NID1: variants seen among roughly 807,000 people sequenced by gnomAD.
NID1 encodes nidogen-1.
NID1 carries 76 observed loss-of-function variants against 130.6 expected under a neutral mutation model. The ratio of observed to expected loss-of-function variants is 0.58; its 90% CI spans 0.48 to 0.70. The LOEUF is 0.70. Ranked by LOEUF, NID1 falls within the 30% of genes least tolerant of loss-of-function variation. NID1 has a pLI of 0.00. For missense variants in NID1, 1,517 were observed against 1,664.8 expected, an observed-to-expected ratio of 0.91 and a Z score of 1.54; for synonymous variants, 665 against 675.1, an observed-to-expected ratio of 0.98 and a Z score of 0.23.
At chr1:236,003,667 C>T (rs770190712) in intron 12 of NID1, among the ~76,000 whole-genome samples, 6 of 152,046 alleles carry the variant, frequency 3.9e-5, no homozygotes, top group South Asian at 2.1e-4. Flanking sequence ...GCCAGGATTT[C>T]GAGACAAGCC....
At position 235,990,940 on chromosome 1, in the gene NID1, G is replaced by C. The variant is rs372553525; in HGVS notation, c.2874C>G (p.Pro958=). The change falls in exon 14 of 20, where the codon CCC becomes CCG. Residue 958 remains proline (P), a synonymous_variant. Coordinates refer to ENST00000264187, the MANE Select transcript of NID1 (RefSeq NM_002508.3). ...FAQTGKIERL[P]LEGNTMRKTE... The stretch of plus-strand genomic sequence containing the variant: ...TCTTCCTCATGGTATTTCCCTCCAG[G>C]GGCAGGCGCTCAATCTTCCCAGTCT... 4 of 1,614,152 alleles carry C rather than the reference G, an allele frequency of 2.5e-6. No individual in the cohort carries two copies. The highest frequency in any genetic ancestry group is 3.4e-6 in the Non-Finnish European group (4 of 1,180,034).
intron 9 of NID1, among the ~76,000 whole-genome samples, chr1:236,018,998 T>C (rs917828602): frequency 1.3e-4 from 20 of 152,254 alleles, no homozygotes; most frequent in Admixed American, 1.2e-3. Flanking sequence ...ATCAGCCTCA[T>C]AGTTTGTCCT....
intron 12 of NID1, among the ~76,000 whole-genome samples, chr1:236,002,458 G>A (rs902155025): frequency 6.6e-6 from 1 of 152,118 alleles, no homozygotes; most frequent in Non-Finnish European, 1.5e-5. Flanking sequence ...AGCCGAGATG[G>A]CACCACTGCA....
chr1:235,977,880 A>T lies in NID1; in HGVS notation c.3731T>A (p.Ile1244Asn). 1 of 1,614,166 alleles carries T rather than the reference A, an allele frequency of 6.2e-7. No individual in the cohort carries two copies. The highest frequency in any genetic ancestry group is 8.5e-7 in the Non-Finnish European group (1 of 1,180,012). ...CPDNTLGVDC[I>N]EQK ...GCACTCTTGTCTTCATTTCTGTTCG[A>T]TACAGTCAACTCCCAAGGTGTTGTC... Residue 1244 changes from isoleucine to asparagine, a missense_variant, in exon 20 of 20, where the codon ATC becomes AAC. Physicochemically the swap from Ile to Asn is moderately radical, Grantham distance 149 (BLOSUM62 -3). Around this residue, in one of 3 missense-constraint regions of NID1, gnomAD observed 181 missense variants for 211.3 expected, o/e 0.86. Coordinates refer to ENST00000264187, the MANE Select transcript of NID1 (RefSeq NM_002508.3).
chr1:236,039,169 A>T (rs1659371213), intron 4 of NID1, among the ~76,000 whole-genome samples: 2 of 145,450 alleles, frequency 1.4e-5, no homozygotes, highest in South Asian at 4.2e-4. Flanking sequence ...TAACAGATAA[A>T]ATATATTTAT....
At position 235,977,237 on chromosome 1, in the gene NID1, A is replaced by G. The variant is rs1657283461; in HGVS notation, c.*630T>C. The G allele has an allele frequency of 6.6e-6, 1 of 152,266 alleles. No individual in the cohort carries two copies. The highest frequency in any genetic ancestry group is 2.4e-5 in the African/African-American group (1 of 41,436). The allele number at this position is 152,266 out of a possible 1,614,324, so 9.4% of individuals were successfully genotyped here. ...GCTCATTATCATCCACCAAATGCCC[A>G]TAGATCTCTAGGACAGGGTAGGTTT... On this transcript the variant is annotated 3_prime_UTR_variant, in exon 20 of 20. Transcript: ENST00000264187.
intron 1 of NID1, among the ~76,000 whole-genome samples, chr1:236,058,662 T>G (rs1229625819): frequency 6.6e-6 from 1 of 152,234 alleles, no homozygotes; most frequent in African/African-American, 2.4e-5. Flanking sequence ...AAAATTTATG[T>G]TAGATTTCTT....
At chr1:236,040,345 T>C (rs1245080811) in intron 4 of NID1, among the ~76,000 whole-genome samples, 1 of 152,272 alleles carries the variant, frequency 6.6e-6, no homozygotes, top group Admixed American at 6.5e-5. Flanking sequence ...TCCATTTCCG[T>C]GCCTCAGAAG....
rs568556688 is a variant in NID1, at chr1:236,026,072, C to A, written c.1808G>T (p.Arg603Leu). ...EPERDGASPSRIYTYQWRQTI... is the reference protein window; with the variant it reads ...EPERDGASPSLIYTYQWRQTI... ...CTGGCGCCACTGGTAAGTGTAGATG[C>A]GTGAAGGAGATGCCCCATCTCGCTC... Residue 603 changes from arginine (R) to leucine (L), a missense_variant, in exon 8 of 20, where the codon CGC (arginine) becomes CTC (leucine). Physicochemically the swap from Arg to Leu is moderately radical, Grantham distance 102. Coordinates refer to ENST00000264187, the MANE Select transcript of NID1 (RefSeq NM_002508.3). 4 of 1,612,972 alleles carry A rather than the reference C, an allele frequency of 2.5e-6. No individual in the cohort carries two copies. In the African/African-American group the frequency reaches 4.0e-5, roughly 16 times the overall value.
In NID1 at chr1:235,985,572, G is replaced by A. The variant is rs569977172; in HGVS notation, c.2929-67C>T. The A allele has an allele frequency of 9.0e-5, 140 of 1,556,626 alleles. No homozygotes were observed. The South Asian group carries it at 9.9e-4, about 11-fold the overall frequency. On this transcript the variant is annotated intron_variant, in intron 14 of 19. Coordinates refer to ENST00000264187, the MANE Select transcript of NID1 (RefSeq NM_002508.3). ...CATCTGATAGTGAGAATCTTTTTGC[G>A]TGCCTACAGGCATTTGGATATCTTT...
intron 9 of NID1, among the ~76,000 whole-genome samples, chr1:236,021,892 T>G (rs1481604786): frequency 1.3e-5 from 2 of 152,160 alleles, no homozygotes. Flanking sequence ...TGAACTTAAG[T>G]TATAAATAAT....
intron 5 of NID1, among the ~76,000 whole-genome samples, chr1:236,032,904 C>T (rs1170405949): frequency 6.6e-6 from 1 of 152,184 alleles, no homozygotes; most frequent in East Asian, 1.9e-4. Flanking sequence ...CGAAAGCTGT[C>T]TCCACGGACA....
chr1:236,016,940 G>A (rs1400955507), intron 10 of NID1, among the ~76,000 whole-genome samples: 1 of 152,212 alleles, frequency 6.6e-6, no homozygotes, highest in Admixed American at 6.5e-5. Context: ...GGTATTACTA[G>A]TGTAGGCAAT....
chr1:235,980,772 T>A, intron 16 of NID1, 119 bp from the exon 17 acceptor site: 1 of 1,090,018 alleles, frequency 9.2e-7, no homozygotes. Context: ...GAAAACAGAA[T>A]GACTGAAAGG....
At position 235,990,901 on chromosome 1, in the gene NID1, C is replaced by T. The variant is rs750878544; in HGVS notation, c.2913G>A (p.Ala971=). 3.3e-5 allele frequency: 54 copies of T among 1,614,018 alleles called. No homozygotes were observed. Among genetic ancestry groups the T allele is most frequent in the South Asian group, 8.8e-5 (8 of 91,078 alleles). ...GNTMRKTEAK[A]FLHVPAKVII... is the part of the protein sequence containing the mutation. ...CAGCACTCACCGGGACATGAAGGAA[C>T]GCCTTTGCTTCTGTCTTCCTCATGG... Residue 971 remains alanine, a synonymous_variant, in exon 14 of 20, where the codon GCG becomes GCA. Transcript: ENST00000264187.
chr1:236,061,766 G>A (rs6691525), intron 1 of NID1, among the ~76,000 whole-genome samples: 5,545 of 151,434 alleles, frequency 0.037, 318 homozygotes, highest in African/African-American at 0.12. Context: ...AATGACCAAA[G>A]GATTTGAACA....
At position 235,977,784 on chromosome 1, in the gene NID1, G is replaced by A; in HGVS notation, c.*83C>T. On this transcript the variant is annotated 3_prime_UTR_variant, in exon 20 of 20. Transcript: ENST00000264187. ...TGGGCCTAGTGGCCACTCAGCCAGA[G>A]GACACTTTTCAATCTGGACCAAGTT... The A allele has an allele frequency of 6.6e-7, 1 of 1,524,384 alleles. No individual in the cohort carries two copies. The highest frequency in any genetic ancestry group is 1.2e-5 in the South Asian group (1 of 82,598). 94.4% of individuals were successfully genotyped at this position (1,524,384 alleles called of 1,614,324 possible).
intron 9 of NID1, among the ~76,000 whole-genome samples, chr1:236,023,220 C>A (rs987544207): frequency 5.9e-5 from 9 of 152,234 alleles, no homozygotes; most frequent in African/African-American, 2.2e-4. Flanking sequence ...GCAACCCATG[C>A]GTCCACTGAT....
Position 235,980,530 on chromosome 1 carries a change from A to G in NID1, c.3351T>C (p.Asp1117=), listed in dbSNP as rs769572659. The part of the protein sequence containing the change: ...DLGLPNGLTF[D]AFSSQLCWVD... ...CCCAGCAGAGCTGAGATGAGAACGCATCGAAGGTCAGTCCATTGGGCAAGC... is the reference window on the plus strand; with the variant it reads ...CCCAGCAGAGCTGAGATGAGAACGCGTCGAAGGTCAGTCCATTGGGCAAGC... The change falls in exon 17 of 20, where the codon GAT becomes GAC. Residue 1117 remains aspartate, a synonymous_variant. Transcript: ENST00000264187. 11 of 1,614,064 alleles carry G rather than the reference A, an allele frequency of 6.8e-6. No individual in the cohort carries two copies. Among genetic ancestry groups the G allele is most frequent in the Non-Finnish European group, 8.5e-6 (10 of 1,180,028 alleles).
Sources: gnomAD v4.1 joint callset for allele counts (sites outside exome capture counted in the v4.1 genomes callset) on GRCh38, gnomAD v4.1.1 for gene constraint, gnomAD v4.1.1 regional missense constraint, MANE v1.5 for transcripts, NCBI Gene and HGNC (gene_info 2026-07-23, HGNC 2026-07-21) for gene names.